Variants in KIF1C observed in about 807,000 individuals in gnomAD.
KIF1C encodes kinesin-like protein KIF1C.
A neutral mutation model predicts 126.5 loss-of-function variants in KIF1C; 61 were observed. The observed-to-expected ratio is 0.48, with a 90% CI of 0.39 to 0.60. The LOEUF is 0.60. Ranked by LOEUF, KIF1C falls within the 20% of genes least tolerant of loss-of-function variation. The pLI is 0.00. For missense variants in KIF1C, 1,315 were observed against 1,489.2 expected (o/e 0.88, Z 1.93); for synonymous variants, 640 against 580.6 (o/e 1.10, Z -1.47).
In KIF1C at chr17:5,020,711, G is replaced by A. The variant is rs139426771; in HGVS notation, c.1937+33G>A. On this transcript the variant is annotated intron_variant, in intron 20 of 22. Coordinates refer to ENST00000320785, the MANE Select transcript of KIF1C (RefSeq NM_006612.6). This position sits in a 1 kb window ranked among gnomAD's most constrained non-coding sequence, Gnocchi z 5.8. ...GGGGTTACCCACGTGCCCCATGGCC[G>A]TCTAGGCCGTCCCTCCCGGGCCTCT... 152 of 1,610,676 alleles carry A rather than the reference G, an allele frequency of 9.4e-5. No homozygotes were observed. The highest frequency in any genetic ancestry group is 5.1e-4 in the African/African-American group (38 of 74,932).
chr17:5,013,521 G>A (rs774298837), intron 16 of KIF1C, 132 bp from the exon 17 acceptor site: 2 of 673,136 alleles, frequency 3.0e-6, no homozygotes, highest in Non-Finnish European at 5.4e-6. Context: ...GAGGGCAGGA[G>A]AGCTCTCCAG....
rs1974433892 is a variant in KIF1C at position 4,998,123 on chromosome 17, C to CGGGA, written c.-181_-180insGGAG. 6.6e-6 allele frequency: 1 copy of CGGGA among 152,248 alleles called. No individual in the cohort carries two copies. Among genetic ancestry groups the CGGGA allele is most frequent in the Non-Finnish European group, 1.5e-5 (1 of 68,140 alleles). The allele number at this position is 152,248 out of a possible 1,614,324, so 9.4% of individuals were successfully genotyped here. A position where few individuals can be genotyped will look rare whatever the true frequency, so the allele number is the denominator to read the frequency against. Reference sequence around the variant, plus strand: ...GCTTCCCGGAAAGCTTGTCCCTCTCCGCCGAGCTGCTCCGGGAGCCCCGCC... The same window carrying CGGGA: ...GCTTCCCGGAAAGCTTGTCCCTCTCCGGGAGCCGAGCTGCTCCGGGAGCCCCGCC... On this transcript the variant is annotated 5_prime_UTR_variant, in exon 1 of 23. Coordinates refer to ENST00000320785, the MANE Select transcript of KIF1C (RefSeq NM_006612.6).
At position 5,022,412 on chromosome 17, in the gene KIF1C, C is replaced by T. The variant is rs1308572085; in HGVS notation, c.2331C>T (p.Leu777=). The T allele has an allele frequency of 3.2e-6, 5 of 1,579,758 alleles. No individual in the cohort carries two copies. Among genetic ancestry groups the T allele is most frequent in the Non-Finnish European group, 3.4e-6 (4 of 1,161,784 alleles). The change falls in exon 22 of 23, where the codon CTC becomes CTT. Residue 777 remains leucine (L), a synonymous_variant. Coordinates refer to ENST00000320785, the MANE Select transcript of KIF1C (RefSeq NM_006612.6). The surrounding 1 kb of genome is among the most constrained non-coding windows in gnomAD (Gnocchi z 4.9). ...CTGAGATTGAGGCCCTGGCCGCCCTCAAGATGCGGGAGCTGTGTCGCACCT... is the reference window on the plus strand; with the variant it reads ...CTGAGATTGAGGCCCTGGCCGCCCTTAAGATGCGGGAGCTGTGTCGCACCT... ...GRAEIEALAA[L]KMRELCRTYG...
intron 16 of KIF1C, among the ~76,000 whole-genome samples, chr17:5,013,216 G>C (rs1974904226): frequency 6.6e-6 from 1 of 152,176 alleles, no homozygotes; most frequent in Non-Finnish European, 1.5e-5. Context: ...TCCAGAAGCT[G>C]CAAGGTACAT....
At position 5,004,855 on chromosome 17, in the gene KIF1C, G is replaced by C. The variant is rs1332090479; in HGVS notation, c.1020G>C (p.Arg340Ser). 1 of 1,614,186 alleles carries C rather than the reference G, an allele frequency of 6.2e-7. No individual in the cohort carries two copies. Among genetic ancestry groups the C allele is most frequent in the South Asian group, 1.1e-5 (1 of 91,088 alleles). The change falls in exon 13 of 23, where the codon AGG (arginine) becomes AGC (serine). Residue 340 changes from arginine to serine, a missense_variant and splice_region_variant. Physicochemically the swap from Arg to Ser is moderately radical, Grantham distance 110. Coordinates refer to ENST00000320785, the MANE Select transcript of KIF1C (RefSeq NM_006612.6). ...CCGACCCTGCTCCTCTGTCACCCAG[G>C]TATGCTGACCGCACCAAGCAAATCC... ...INYEETLSTL[R>S]YADRTKQIRC... is the part of the protein sequence containing the mutation.
chr17:5,020,031 A>G lies in KIF1C; in HGVS notation c.1702A>G (p.Thr568Ala), dbSNP rs1975055352. Residue 568 changes from threonine to alanine, a missense_variant, in exon 19 of 23, where the codon ACA becomes GCA. Transcript: ENST00000320785. The surrounding 1 kb of genome is among the most constrained non-coding windows in gnomAD (Gnocchi z 5.8). ...VTLEPCEGAETYVNGKLVTEP... is the reference protein window; with the variant it reads ...VTLEPCEGAEAYVNGKLVTEP... ...TCTGGAGCCTTGTGAAGGAGCTGAG[A>G]CATATGTGAATGGGAAGCTTGTGAC... is the stretch of plus-strand genomic sequence containing the variant. 1 of 1,605,516 alleles carries G rather than the reference A, an allele frequency of 6.2e-7. No individual in the cohort carries two copies. The highest frequency in any genetic ancestry group is 1.1e-5 in the South Asian group (1 of 89,212).
Position 5,022,167 on chromosome 17 carries a change from C to T in KIF1C, c.2086C>T (p.Arg696Trp), listed in dbSNP as rs756143565. 23 of 1,613,942 alleles carry T rather than the reference C, an allele frequency of 1.4e-5. No homozygotes were observed. The highest frequency in any genetic ancestry group is 1.9e-5 in the Non-Finnish European group (22 of 1,179,928). Residue 696 changes from arginine to tryptophan, a missense_variant, in exon 22 of 23, where the codon CGG (arginine) becomes TGG (tryptophan). Around this residue, in one of 2 missense-constraint regions of KIF1C, gnomAD observed 874 missense variants for 1,053.2 expected, o/e 0.83. Transcript: ENST00000320785. The surrounding 1 kb of genome is among the most constrained non-coding windows in gnomAD (Gnocchi z 4.9). ...EESWRLISSL[R>W]EQLPPTTVQT... ...GAGCTGGAGGCTCATCTCCTCCTTG[C>T]GGGAGCAGCTGCCGCCCACCACGGT...
rs1300371956 is a variant in KIF1C at position 5,004,082 on chromosome 17, C to T, written c.940+9C>T. The T allele has an allele frequency of 6.3e-7, 1 of 1,595,110 alleles. No homozygotes were observed. On this transcript the variant is annotated intron_variant, in intron 11 of 22. Transcript: ENST00000320785. ...GCTCAAGGAAAATTTGGGTGAGGGC[C>T]TCTTCCTCTTTCTCTGCCGACCCTG...
rs78970955 is a variant in KIF1C, at chr17:5,023,565, C to G, written c.2726C>G (p.Pro909Arg). Reference sequence around the variant, plus strand: ...GAGGCAGCCCCCAGTGACCGCATGCCGTCAGCCCGGCCCCCCTCGCCACCA... The same window carrying G: ...GAGGCAGCCCCCAGTGACCGCATGCGGTCAGCCCGGCCCCCCTCGCCACCA... ...AEEAAPSDRM[P>R]SARPPSPPLS... The change falls in exon 23 of 23, where the codon CCG becomes CGG. Residue 909 changes from proline (P) to arginine (R), a missense_variant. Pro to Arg is a moderately radical substitution (Grantham distance 103). Transcript: ENST00000320785. The surrounding 1 kb of genome is among the most constrained non-coding windows in gnomAD (Gnocchi z 4.2). The G allele has an allele frequency of 1.2e-6, 2 of 1,613,566 alleles. No individual in the cohort carries two copies. The highest frequency in any genetic ancestry group is 2.2e-5 in the South Asian group (2 of 91,078).
At position 5,022,878 on chromosome 17, in the gene KIF1C, G is replaced by A. The variant is rs1357094313; in HGVS notation, c.2628+169G>A. ...GAACCACATGCCTCGCTGTCACCAG[G>A]CTGCTAATTAAAATAGATTCCCGGG... On this transcript the variant is annotated intron_variant, in intron 22 of 22. Coordinates refer to ENST00000320785, the MANE Select transcript of KIF1C (RefSeq NM_006612.6). This position sits in a 1 kb window ranked among gnomAD's most constrained non-coding sequence, Gnocchi z 4.9. Among the ~76,000 whole-genome samples, 3 of 152,220 alleles carry A rather than the reference G, an allele frequency of 2.0e-5. No individual in the cohort carries two copies. The highest frequency in any genetic ancestry group is 2.9e-5 in the Non-Finnish European group (2 of 68,040).
chr17:5,010,557 G>A (rs530208626), intron 16 of KIF1C, among the ~76,000 whole-genome samples: 1 of 151,846 alleles, frequency 6.6e-6, no homozygotes, highest in Admixed American at 6.6e-5. Flanking sequence ...GACCATCCTG[G>A]CTAACAAGGT....
Position 5,000,854 on chromosome 17 carries a change from T to A in KIF1C, c.183+6T>A. 1 of 1,613,358 alleles carries A rather than the reference T, an allele frequency of 6.2e-7. No homozygotes were observed. Among genetic ancestry groups the A allele is most frequent in the Admixed American group, 1.7e-5 (1 of 59,998 alleles). On this transcript the variant is annotated splice_donor_region_variant and intron_variant, in intron 4 of 22. Coordinates refer to ENST00000320785, the MANE Select transcript of KIF1C (RefSeq NM_006612.6). ...CCTACTGGTCACACACTTCGGTGGG[T>A]TGTTGGGCTGGGGGAAGAGCAAGGC...
chr17:5,010,467 G>A (rs1974836780), intron 16 of KIF1C, among the ~76,000 whole-genome samples: 1 of 152,106 alleles, frequency 6.6e-6, no homozygotes, highest in Non-Finnish European at 1.5e-5. Flanking sequence ...TTTTAATCTA[G>A]GCCGGGTGCG....
In KIF1C at chr17:5,002,657, T is replaced by C. The variant is rs746318345; in HGVS notation, c.608+15T>C. On this transcript the variant is annotated intron_variant, in intron 7 of 22. Coordinates refer to ENST00000320785, the MANE Select transcript of KIF1C (RefSeq NM_006612.6). ...AATAAAGCACGGTGAGGCAGGCTGA[T>C]GGAGCAGAGGGCAAGGGGGCCAGGG... 1 of 1,611,520 alleles carries C rather than the reference T, an allele frequency of 6.2e-7. No individual in the cohort carries two copies. The highest frequency in any genetic ancestry group is 1.1e-5 in the South Asian group (1 of 91,050).
chr17:5,013,784 T>C (rs578178885), intron 17 of KIF1C, 52 bp downstream of exon 17: 47 of 1,418,714 alleles, frequency 3.3e-5, no homozygotes, highest in Admixed American at 1.2e-4. Flanking sequence ...GGGGTGTGGC[T>C]GCCAAGGGTT....
chr17:5,022,442 C>A lies in KIF1C; in HGVS notation c.2361C>A (p.Gly787=). The A allele has an allele frequency of 6.3e-7, 1 of 1,582,690 alleles. No individual in the cohort carries two copies. Among genetic ancestry groups the A allele is most frequent in the Non-Finnish European group, 8.6e-7 (1 of 1,163,142 alleles). Residue 787 remains glycine, a synonymous_variant, in exon 22 of 23, where the codon GGC becomes GGA. Coordinates refer to ENST00000320785, the MANE Select transcript of KIF1C (RefSeq NM_006612.6). This position sits in a 1 kb window ranked among gnomAD's most constrained non-coding sequence, Gnocchi z 4.9. ...LKMRELCRTY[G]KPDGPGDAWR... is the part of the protein sequence containing the mutation. ...TGCGGGAGCTGTGTCGCACCTATGG[C>A]AAGCCAGACGGCCCCGGAGACGCCT...
Position 5,022,362 on chromosome 17 carries a change from C to A in KIF1C, c.2281C>A (p.Leu761Met), listed in dbSNP as rs573302051. Reference sequence around the variant, plus strand: ...GAAGGAGATCTGCTACGAGGTGGCCCTGGCTGACTTCCGCCACGGGCGGGC... The same window carrying A: ...GAAGGAGATCTGCTACGAGGTGGCCATGGCTGACTTCCGCCACGGGCGGGC... ...AVKEICYEVA[L>M]ADFRHGRAEI... The change falls in exon 22 of 23, where the codon CTG becomes ATG. Residue 761 changes from leucine (L) to methionine (M), a missense_variant. Leu to Met is a conservative substitution (Grantham distance 15). Coordinates refer to ENST00000320785, the MANE Select transcript of KIF1C (RefSeq NM_006612.6). This position sits in a 1 kb window ranked among gnomAD's most constrained non-coding sequence, Gnocchi z 4.9. 6.3e-7 allele frequency: 1 copy of A among 1,588,862 alleles called. No individual in the cohort carries two copies. Among genetic ancestry groups the A allele is most frequent in the African/African-American group, 1.3e-5 (1 of 74,426 alleles).
chr17:5,004,655 T>C lies in KIF1C; in HGVS notation c.1019+10T>C. On this transcript the variant is annotated intron_variant, in intron 12 of 22. Coordinates refer to ENST00000320785, the MANE Select transcript of KIF1C (RefSeq NM_006612.6). ...CTCTCAGCACCCTCAGGTGAGGCTT[T>C]TGGCTCTAGCAGGGATGGGGCAGCA... 6.2e-7 allele frequency: 1 copy of C among 1,613,878 alleles called. No homozygotes were observed. The highest frequency in any genetic ancestry group is 8.5e-7 in the Non-Finnish European group (1 of 1,179,796).
rs201085674 is a variant in KIF1C, at chr17:5,001,261, C to T, written c.223C>T (p.Arg75Trp). Residue 75 changes from arginine to tryptophan, a missense_variant, in exon 5 of 23, where the codon CGG (arginine) becomes TGG (tryptophan). Physicochemically the swap from Arg to Trp is moderately radical, Grantham distance 101 (BLOSUM62 -3). This residue lies in a region of KIF1C where 874 missense variants were observed against 1,053.2 expected (regional missense o/e 0.83). Coordinates refer to ENST00000320785, the MANE Select transcript of KIF1C (RefSeq NM_006612.6). ...GTTTGCATCTCAGCAGCAAGTGTAT[C>T]GGGACATTGGAGAAGAGATGCTGCT... ...PQFASQQQVY[R>W]DIGEEMLLHA... The T allele has an allele frequency of 1.2e-5, 19 of 1,614,116 alleles. No homozygotes were observed. Among genetic ancestry groups the T allele is most frequent in the African/African-American group, 2.7e-5 (2 of 75,020 alleles).
Sources: gnomAD v4.1 joint callset for allele counts (sites outside exome capture counted in the v4.1 genomes callset) on GRCh38, gnomAD v4.1.1 for gene constraint, gnomAD v4.1.1 regional missense constraint, Gnocchi (gnomAD v3.1) non-coding constraint, MANE v1.5 for transcripts, NCBI Gene and HGNC (gene_info 2026-07-23, HGNC 2026-07-21) for gene names.